The following PTCHD4 variants were observed in gnomAD, a reference collection of about 807,000 sequenced individuals.
PTCHD4 encodes the protein patched domain containing 4, also known as patched domain-containing protein 4.
In PTCHD4, 33 loss-of-function variants were observed where a neutral mutation model predicts 58.1. The ratio of observed to expected loss-of-function variants is 0.57; its 90% CI spans 0.43 to 0.76. The LOEUF (loss-of-function observed/expected upper bound fraction) is 0.76. Ranked by LOEUF, PTCHD4 falls within the 30% of genes least tolerant of loss-of-function variation. PTCHD4 has a pLI of 0.00. For synonymous variants in PTCHD4, 478 were observed against 409.6 expected (o/e 1.17, Z -2.02); for missense variants, 1,058 against 1,027.1 (o/e 1.03, Z -0.41).
intron 1 of PTCHD4, among the ~76,000 whole-genome samples, chr6:48,103,190 G>T (rs1765644428): frequency 6.6e-6 from 1 of 152,196 alleles, no homozygotes; most frequent in Non-Finnish European, 1.5e-5. Context: ...TAGCCTAACT[G>T]GGAGACACCC....
chr6:47,879,237 T>C lies in PTCHD4; in HGVS notation c.1598A>G (p.Asp533Gly), dbSNP rs1158496168. 2 of 1,612,986 alleles carry C rather than the reference T, an allele frequency of 1.2e-6. No individual in the cohort carries two copies. The highest frequency in any genetic ancestry group is 2.2e-5 in the South Asian group (2 of 90,998). Reference protein sequence around the residue: ...PLEYWNSSVQDDLRRLCSGFT... With the variant: ...PLEYWNSSVQGDLRRLCSGFT... ...TCCACTACAGAGTCTTCTTAGGTCA[T>C]CCTGGACGCTGCTGTTCCAGTACTC... Residue 533 changes from aspartate (D) to glycine (G), a missense_variant, in exon 5 of 5, where the codon GAT becomes GGT. Physicochemically the swap from Asp to Gly is moderately conservative, Grantham distance 94. Coordinates refer to ENST00000339488, the MANE Select transcript of PTCHD4 (RefSeq NM_001384253.1).
chr6:47,869,227 G>T lies in PTCHD4; in HGVS notation c.*9076C>A, dbSNP rs1763655086. ...GATTGGTTTTAGTGACTTAGAAGTG[G>T]TGCTGATAGCCCCTGAACAATTATG... is the stretch of plus-strand genomic sequence containing the variant. On this transcript the variant is annotated 3_prime_UTR_variant, in exon 5 of 5. Coordinates refer to ENST00000339488, the MANE Select transcript of PTCHD4 (RefSeq NM_001384253.1). Among the ~76,000 whole-genome samples, 1 of 151,672 alleles carries T rather than the reference G, an allele frequency of 6.6e-6. No homozygotes were observed. The highest frequency in any genetic ancestry group is 2.1e-4 in the South Asian group (1 of 4,832).
At chr6:47,963,663 A>G (rs911604569) in intron 4 of PTCHD4, among the ~76,000 whole-genome samples, 7 of 152,206 alleles carry the variant, frequency 4.6e-5, no homozygotes, top group Non-Finnish European at 7.4e-5. Context: ...TTGAAAAAGA[A>G]GGAAATTCTG....
intron 4 of PTCHD4, among the ~76,000 whole-genome samples, chr6:48,002,108 A>G (rs1208524035): frequency 6.6e-6 from 1 of 152,190 alleles, no homozygotes; most frequent in Admixed American, 6.5e-5. Context: ...AAGTCAGGAA[A>G]CAACAGGTGC....
rs529012007 is a variant in PTCHD4 at position 48,067,896 on chromosome 6, C to T, written c.417+334G>A. ...AATATCTAGTCATACCATTCATTGC[C>T]TGTTTTCTTCACTCAGTTGCCCATC... is the stretch of plus-strand genomic sequence containing the variant. On this transcript the variant is annotated intron_variant, in intron 3 of 4. Coordinates refer to ENST00000339488, the MANE Select transcript of PTCHD4 (RefSeq NM_001384253.1). Among the ~76,000 whole-genome samples, 35 of 151,566 alleles carry T rather than the reference C, an allele frequency of 2.3e-4. No homozygotes were observed. The South Asian group carries it at 6.9e-3, about 30-fold the overall frequency.
chr6:47,859,043 G>T lies in PTCHD4; in HGVS notation c.*19260C>A, dbSNP rs753518984. Among the ~76,000 whole-genome samples the T allele has an allele frequency of 6.6e-6, 1 of 152,002 alleles. No individual in the cohort carries two copies. Among genetic ancestry groups the T allele is most frequent in the Non-Finnish European group, 1.5e-5 (1 of 67,974 alleles). ...AAACCAATAAATTATTCATTTTGAG[G>T]GAAGAAGGAAATGTTCCTGAGCATC... On this transcript the variant is annotated 3_prime_UTR_variant, in exon 5 of 5. Coordinates refer to ENST00000339488, the MANE Select transcript of PTCHD4 (RefSeq NM_001384253.1).
At chr6:47,996,708 G>A (rs1397847901) in intron 4 of PTCHD4, among the ~76,000 whole-genome samples, 1 of 152,126 alleles carries the variant, frequency 6.6e-6, no homozygotes, top group Non-Finnish European at 1.5e-5. Flanking sequence ...ATAAAAAAAT[G>A]GCCATTGAAT....
At chr6:47,947,276 A>G (rs1269243920) in intron 4 of PTCHD4, among the ~76,000 whole-genome samples, 1 of 152,178 alleles carries the variant, frequency 6.6e-6, no homozygotes, top group Non-Finnish European at 1.5e-5. Context: ...TTCCACATAT[A>G]TACTAACTTT....
rs1249543309 is a variant in PTCHD4 at position 47,861,944 on chromosome 6, C to A, written c.*16359G>T. 6.6e-6 allele frequency among the ~76,000 whole-genome samples: 1 copy of A among 151,804 alleles called. No individual in the cohort carries two copies. Among genetic ancestry groups the A allele is most frequent in the East Asian group, 1.9e-4 (1 of 5,150 alleles). ...ATTTTCCTAGTTCCTAGGTAACTGTCCATATTTCCTGTTATCGAAAAAGTT... is the reference window on the plus strand; with the variant it reads ...ATTTTCCTAGTTCCTAGGTAACTGTACATATTTCCTGTTATCGAAAAAGTT... On this transcript the variant is annotated 3_prime_UTR_variant, in exon 5 of 5. Transcript: ENST00000339488.
intron 4 of PTCHD4, among the ~76,000 whole-genome samples, chr6:47,969,547 A>C (rs1388396189): frequency 1.3e-5 from 2 of 152,230 alleles, no homozygotes; most frequent in Non-Finnish European, 2.9e-5. Flanking sequence ...CTCAATAATG[A>C]GTAAACTTAA....
intron 4 of PTCHD4, among the ~76,000 whole-genome samples, chr6:48,001,245 G>A (rs1381999436): frequency 6.6e-6 from 1 of 152,124 alleles, no homozygotes; most frequent in Non-Finnish European, 1.5e-5. Flanking sequence ...TCACAGAATT[G>A]GAGAAAACTA....
intron 4 of PTCHD4, among the ~76,000 whole-genome samples, chr6:47,892,932 A>G (rs1477644920): frequency 1.3e-5 from 2 of 152,216 alleles, no homozygotes; most frequent in African/African-American, 2.4e-5. Context: ...GATGATTCTG[A>G]TCATTGGAAT....
At chr6:47,902,858 T>C (rs7757727) in intron 4 of PTCHD4, among the ~76,000 whole-genome samples, 2 of 152,208 alleles carry the variant, frequency 1.3e-5, no homozygotes, top group Non-Finnish European at 2.9e-5. Context: ...ATTCGTATAA[T>C]AGTTTCCATT....
At chr6:48,033,673 G>T (rs1216482206) in intron 3 of PTCHD4, among the ~76,000 whole-genome samples, 1 of 151,926 alleles carries the variant, frequency 6.6e-6, no homozygotes, top group Non-Finnish European at 1.5e-5. Flanking sequence ...CAATAGAAAA[G>T]AGCAAAACAT....
At chr6:48,103,944 G>GAC (rs1236083395) in intron 1 of PTCHD4, among the ~76,000 whole-genome samples, 15 of 152,332 alleles carry the variant, frequency 9.8e-5, no homozygotes, top group African/African-American at 3.6e-4. Context: ...AGAAATATGG[G>GAC]ACTATGTGAA....
At chr6:47,989,903 T>C (rs952485681) in intron 4 of PTCHD4, among the ~76,000 whole-genome samples, 2 of 151,996 alleles carry the variant, frequency 1.3e-5, no homozygotes, top group Admixed American at 6.5e-5. Flanking sequence ...GATCCACCAA[T>C]AGCTTGCACC....
intron 3 of PTCHD4, among the ~76,000 whole-genome samples, chr6:48,032,659 CA>C (rs1254135276): frequency 6.6e-5 from 10 of 151,994 alleles, no homozygotes; most frequent in Admixed American, 2.0e-4. Flanking sequence ...TTAAGTTGTT[CA>C]ATAAGTCCAT....
At chr6:48,042,332 T>C (rs935370300) in intron 3 of PTCHD4, among the ~76,000 whole-genome samples, 2 of 152,018 alleles carry the variant, frequency 1.3e-5, no homozygotes, top group Admixed American at 1.3e-4. Context: ...AAGATTTATG[T>C]TTAAGCCTAT....
At chr6:48,003,915 G>A (rs1352218017) in intron 4 of PTCHD4, among the ~76,000 whole-genome samples, 1 of 152,118 alleles carries the variant, frequency 6.6e-6, no homozygotes. Flanking sequence ...CAGGTGCTTC[G>A]TTTAGCTCTC....
Sources: gnomAD v4.1 joint callset for allele counts (sites outside exome capture counted in the v4.1 genomes callset) on GRCh38, gnomAD v4.1.1 for gene constraint, MANE v1.5 for transcripts, NCBI Gene and HGNC (gene_info 2026-07-23, HGNC 2026-07-21) for gene names.